The following NRG1 variants were observed in gnomAD, a reference collection of about 807,000 sequenced individuals.
NRG1 encodes pro-neuregulin-1, membrane-bound isoform.
In NRG1, 18 loss-of-function variants were observed where a neutral mutation model predicts 63.8. The observed-to-expected ratio is 0.28, with a 90% CI of 0.19 to 0.42. NRG1 has a LOEUF of 0.42. Ranked by LOEUF, NRG1 falls within the 10% of genes least tolerant of loss-of-function variation. The pLI is 1.00. For synonymous variants in NRG1, 302 were observed against 301.3 expected (o/e 1.00, Z -0.02); for missense variants, 762 against 814.7 (o/e 0.94, Z 0.79).
intron 1 of NRG1, among the ~76,000 whole-genome samples, chr8:32,260,297 C>T (rs1404959830): frequency 2.6e-5 from 4 of 152,166 alleles, no homozygotes; most frequent in East Asian, 1.9e-4. Flanking sequence ...CTGAAGATGA[C>T]GTCCTAGATA....
chr8:32,386,691 C>T (rs1440478865), intron 1 of NRG1, among the ~76,000 whole-genome samples: 3 of 152,214 alleles, frequency 2.0e-5, no homozygotes, highest in African/African-American at 4.8e-5. Flanking sequence ...AGAAACAGGA[C>T]TTCTGCAAGG....
At chr8:31,936,283 T>C (rs1474969163) in intron 1 of NRG1, among the ~76,000 whole-genome samples, 1 of 152,244 alleles carries the variant, frequency 6.6e-6, no homozygotes, top group Admixed American at 6.5e-5. Flanking sequence ...TTTCCTGGGC[T>C]AAACCTTGAA....
intron 1 of NRG1, among the ~76,000 whole-genome samples, chr8:32,016,406 T>A (rs976521764): frequency 3.9e-5 from 6 of 152,102 alleles, no homozygotes; most frequent in Admixed American, 1.3e-4. Context: ...CATGGAATAA[T>A]TTATTTAGTG....
intron 1 of NRG1, among the ~76,000 whole-genome samples, chr8:31,724,389 T>C (rs1813220731): frequency 6.6e-6 from 1 of 152,136 alleles, no homozygotes; most frequent in African/African-American, 2.4e-5. Context: ...GGAAAGATGA[T>C]GTGTTCAGTG....
At chr8:32,039,158 A>G (rs1172544283) in intron 1 of NRG1, among the ~76,000 whole-genome samples, 3 of 152,134 alleles carry the variant, frequency 2.0e-5, no homozygotes, top group Non-Finnish European at 4.4e-5. Context: ...CAGTATTTTT[A>G]TTTGTAGAAT....
intron 1 of NRG1, among the ~76,000 whole-genome samples, chr8:32,356,477 C>CA (rs1563353838): frequency 2.5e-5 from 3 of 118,988 alleles, no homozygotes; most frequent in Non-Finnish European, 5.5e-5. Flanking sequence ...TGTTGGGACC[C>CA]CCCCCCCACC....
At chr8:32,383,515 C>G (rs1409041018) in intron 1 of NRG1, among the ~76,000 whole-genome samples, 3 of 152,102 alleles carry the variant, frequency 2.0e-5, no homozygotes, top group African/African-American at 7.2e-5. Flanking sequence ...AACCTAACAC[C>G]CTGAAATTTA....
At chr8:32,463,901 TTTTTTTTTTTTTGG>T in intron 1 of NRG1, among the ~76,000 whole-genome samples, 1 of 84,284 alleles carries the variant, frequency 1.2e-5, no homozygotes, top group African/African-American at 4.3e-5. Flanking sequence ...TTTTTTTTTT[TTTTTTTTTTTTTGG>T]GGGAGGGTCT....
intron 1 of NRG1, among the ~76,000 whole-genome samples, chr8:31,780,994 C>G (rs1223613327): frequency 6.6e-6 from 1 of 152,188 alleles, no homozygotes; most frequent in African/African-American, 2.4e-5. Context: ...CTCAACTTTT[C>G]TTTTCATAAA....
intron 1 of NRG1, among the ~76,000 whole-genome samples, chr8:31,708,406 A>G (rs1190907030): frequency 6.6e-6 from 1 of 151,344 alleles, no homozygotes; most frequent in Non-Finnish European, 1.5e-5. Flanking sequence ...CTGAACAACA[A>G]CTTCCGATTA....
intron 1 of NRG1, among the ~76,000 whole-genome samples, chr8:32,404,545 T>G (rs563210962): frequency 6.6e-6 from 1 of 151,888 alleles, no homozygotes; most frequent in South Asian, 2.1e-4. Context: ...TGCTTCCTCT[T>G]TTGTAGTGTC....
intron 1 of NRG1, among the ~76,000 whole-genome samples, chr8:32,549,518 G>T (rs895985703): frequency 2.6e-5 from 4 of 152,170 alleles, no homozygotes; most frequent in African/African-American, 9.7e-5. Context: ...CAAACTTTTG[G>T]CTTAACAGTT....
intron 1 of NRG1, among the ~76,000 whole-genome samples, chr8:32,389,152 G>C (rs544302605): frequency 2.6e-5 from 4 of 152,128 alleles, no homozygotes; most frequent in South Asian, 2.1e-4. Flanking sequence ...CCCTTCCACT[G>C]TGTGTTGAAG....
intron 1 of NRG1, among the ~76,000 whole-genome samples, chr8:32,091,449 C>T (rs914989096): frequency 1.3e-5 from 2 of 152,002 alleles, no homozygotes; most frequent in South Asian, 2.1e-4. Context: ...GATGGTAGTG[C>T]CGTGTGTTGA....
At chr8:32,669,653 A>G (rs1490363722) in intron 5 of NRG1, among the ~76,000 whole-genome samples, 1 of 152,192 alleles carries the variant, frequency 6.6e-6, no homozygotes, top group East Asian at 1.9e-4. Context: ...TCTTTGAAAC[A>G]AGACAGTTCA....
chr8:32,139,816 T>C (rs1836009009), intron 1 of NRG1, among the ~76,000 whole-genome samples: 1 of 152,186 alleles, frequency 6.6e-6, no homozygotes, highest in Admixed American at 6.5e-5. Flanking sequence ...GTTTATACCA[T>C]GTAGACAATG....
At chr8:32,033,126 G>A (rs1371435987) in intron 1 of NRG1, among the ~76,000 whole-genome samples, 3 of 139,368 alleles carry the variant, frequency 2.2e-5, no homozygotes, top group African/African-American at 5.4e-5. Flanking sequence ...ACAGAGTCTC[G>A]CTCTTCTGCC....
At chr8:32,768,560 T>C (rs940115916), downstream of NRG1, among the ~76,000 whole-genome samples, 10 of 152,116 alleles carry the variant, frequency 6.6e-5, no homozygotes, top group Non-Finnish European at 8.8e-5. Context: ...CAAATCAAAC[T>C]CATGTCTATC....
chr8:32,566,843 ATT>A (rs1322270503), intron 1 of NRG1, among the ~76,000 whole-genome samples: 2 of 150,780 alleles, frequency 1.3e-5, no homozygotes, highest in Non-Finnish European at 3.0e-5. Flanking sequence ...AGAAAGTAGC[ATT>A]TTGTTTTGTT....
Sources: allele counts gnomAD v4.1 joint callset (sites outside exome capture counted in the v4.1 genomes callset), GRCh38; gene constraint gnomAD v4.1.1; transcripts MANE v1.5; gene names NCBI Gene and HGNC (gene_info 2026-07-23, HGNC 2026-07-21).